DDX50: variants seen among roughly 807,000 people sequenced by gnomAD.
The protein encoded by DDX50 is ATP-dependent RNA helicase DDX50.
A neutral mutation model predicts 94.8 loss-of-function variants in DDX50; 56 were observed. The ratio of observed to expected loss-of-function variants is 0.59; its 90% CI spans 0.48 to 0.74. The LOEUF is 0.74. Among genes scored for constraint, DDX50 ranks in the 30% least tolerant of loss-of-function variants. The probability of loss-of-function intolerance (pLI) is 0.00; values close to 1 mark genes in which losing one functional copy is unlikely to be tolerated. For missense variants in DDX50, 713 were observed against 881.2 expected (o/e 0.81, Z 2.42); for synonymous variants, 264 against 295.4 (o/e 0.89, Z 1.09).
chr10:68,937,215 C>G lies in DDX50; in HGVS notation c.1755+120C>G, dbSNP rs1318033719. 4.6e-6 allele frequency: 5 copies of G among 1,097,862 alleles called. No individual in the cohort carries two copies. The East Asian group carries it at 1.4e-4, about 30-fold the overall frequency. 68.0% of individuals were successfully genotyped at this position (1,097,862 alleles called of 1,614,324 possible). On this transcript the variant is annotated intron_variant, in intron 12 of 14. Coordinates refer to ENST00000373585, the MANE Select transcript of DDX50 (RefSeq NM_024045.2). The stretch of plus-strand genomic sequence containing the variant: ...AAAAACTGTTTTGCTCTATGAGAAA[C>G]TGGTCTCCTTATTTTCCTCTACTCC...
chr10:68,943,373 C>A, intron 14 of DDX50, 116 bp downstream of exon 14: 2 of 821,550 alleles, frequency 2.4e-6, no homozygotes, highest in Non-Finnish European at 1.9e-6. Context: ...ATGAGGAATT[C>A]CTTAATATAA....
rs143037779 is a variant in DDX50 at position 68,946,502 on chromosome 10, C to G, written c.2086C>G (p.Arg696Gly). 2.5e-6 allele frequency: 4 copies of G among 1,614,014 alleles called. No individual in the cohort carries two copies. The highest frequency in any genetic ancestry group is 3.4e-6 in the Non-Finnish European group (4 of 1,180,036). Residue 696 changes from arginine to glycine, a missense_variant, in exon 15 of 15, where the codon CGA (arginine) becomes GGA (glycine). Physicochemically the swap from Arg to Gly is moderately radical, Grantham distance 125. Around this residue, in one of 2 missense-constraint regions of DDX50, gnomAD observed 428 missense variants for 602.3 expected, o/e 0.71. Transcript: ENST00000373585. ...AGGCCGGTCAGGCCGGTCAGGTGGT[C>G]GATCTGGCGGCCGGTCAGGTAGACA... is the stretch of plus-strand genomic sequence containing the variant. ...RSGRSGRSGG[R>G]SGGRSGRQSR...
rs1473622159 is a variant in DDX50, at chr10:68,946,445, A to G, written c.2029A>G (p.Arg677Gly). Residue 677 changes from arginine (R) to glycine (G), a missense_variant, in exon 15 of 15, where the codon AGA (arginine) becomes GGA (glycine). This residue lies in a region of DDX50 where 428 missense variants were observed against 602.3 expected (regional missense o/e 0.71). Transcript: ENST00000373585. Reference protein sequence around the residue: ...YYDGNTSSNSRQRSGWSSGRS... With the variant: ...YYDGNTSSNSGQRSGWSSGRS... ...TGATGGAAACACATCTTCTAATTCC[A>G]GACAGAGGAGTGGCTGGTCAAGTGG... The G allele has an allele frequency of 2.5e-6, 4 of 1,614,272 alleles. No homozygotes were observed. Among genetic ancestry groups the G allele is most frequent in the Middle Eastern group, 3.3e-4 (2 of 6,062 alleles).
Position 68,929,292 on chromosome 10 carries a change from CCTCT to C in DDX50, c.1240-4888_1240-4885del, listed in dbSNP as rs1167345123. ...TCCTTCCTTCCTTCCTTCCTTCCTT[CCTCT>C]CTCTCTCTCTCTCTCTCTTTCTTTC... On this transcript the variant is annotated intron_variant, in intron 8 of 14. Transcript: ENST00000373585. 1.5e-3 allele frequency among the ~76,000 whole-genome samples: 185 copies of C among 122,604 alleles called. 2 individuals are homozygous for C. Among genetic ancestry groups the C allele is most frequent in the Middle Eastern group, 4.3e-3 (1 of 232 alleles). The allele number at this position is 122,604 out of a possible 152,430, so 80.4% of individuals were successfully genotyped here.
At chr10:68,931,374 C>T (rs1349123637) in intron 8 of DDX50, among the ~76,000 whole-genome samples, 2 of 114,892 alleles carry the variant, frequency 1.7e-5, no homozygotes, top group African/African-American at 3.8e-5. Flanking sequence ...GGGTGGGTGA[C>T]GGATCATTAA....
chr10:68,914,215 T>C lies in DDX50; in HGVS notation c.1089+11T>C, dbSNP rs1164571159. The C allele has an allele frequency of 6.2e-7, 1 of 1,606,466 alleles. No homozygotes were observed. Among genetic ancestry groups the C allele is most frequent in the Admixed American group, 1.7e-5 (1 of 57,928 alleles). On this transcript the variant is annotated intron_variant, in intron 7 of 14. Transcript: ENST00000373585. The stretch of plus-strand genomic sequence containing the variant: ...GCAACTACTGTGGAAGTAAGTAGCT[T>C]TCTAGCATGATAGATTTTAGCTTTT...
intron 1 of DDX50, among the ~76,000 whole-genome samples, chr10:68,904,003 G>A (rs1184749999): frequency 1.3e-5 from 2 of 151,198 alleles, no homozygotes; most frequent in African/African-American, 2.4e-5. Context: ...AATTAGCTGG[G>A]CGTGGTGGCA....
In DDX50 at chr10:68,913,284, G is replaced by A; in HGVS notation, c.757+5G>A. On this transcript the variant is annotated splice_donor_5th_base_variant and intron_variant, in intron 5 of 14. Coordinates refer to ENST00000373585, the MANE Select transcript of DDX50 (RefSeq NM_024045.2). ...GAACATCATATCAAAGCCAAAGTGA[G>A]TAAATATGTTTGATAGACGTGCAAA... The A allele has an allele frequency of 6.2e-7, 1 of 1,609,816 alleles. No individual in the cohort carries two copies. Among genetic ancestry groups the A allele is most frequent in the Non-Finnish European group, 8.5e-7 (1 of 1,178,906 alleles).
intron 4 of DDX50, among the ~76,000 whole-genome samples, chr10:68,912,757 G>C (rs1841668397): frequency 6.6e-6 from 1 of 152,188 alleles, no homozygotes; most frequent in Non-Finnish European, 1.5e-5. Context: ...TGAGTTTCCT[G>C]TACTGTACCA....
At chr10:68,906,424 T>C in intron 1 of DDX50, 1 of 282,922 alleles carries the variant, frequency 3.5e-6, no homozygotes, top group Non-Finnish European at 6.6e-6. Flanking sequence ...TCTGGGGTTG[T>C]CTTTCTTTCC....
At chr10:68,907,133 C>G in intron 2 of DDX50, 126 bp downstream of exon 2, 1 of 952,276 alleles carries the variant, frequency 1.1e-6, no homozygotes, top group East Asian at 2.6e-5. Flanking sequence ...CTTAGTTGCA[C>G]TAGAGTCTGT....
intron 2 of DDX50, among the ~76,000 whole-genome samples, chr10:68,909,623 C>T (rs1473491005): frequency 1.3e-5 from 2 of 151,960 alleles, no homozygotes; most frequent in East Asian, 1.9e-4. Flanking sequence ...TGCTTGTAAT[C>T]CCAGCAGTTT....
intron 8 of DDX50, among the ~76,000 whole-genome samples, chr10:68,929,603 T>C (rs911009731): frequency 6.6e-6 from 1 of 151,674 alleles, no homozygotes; most frequent in Non-Finnish European, 1.5e-5. Context: ...TTTTTGTATT[T>C]TTAGTAGAGA....
intron 8 of DDX50, among the ~76,000 whole-genome samples, chr10:68,925,987 C>A (rs894264353): frequency 4.2e-5 from 6 of 143,508 alleles, no homozygotes; most frequent in Non-Finnish European, 1.5e-5. Flanking sequence ...GCACTCCATC[C>A]TGGGCAACAG....
intron 8 of DDX50, among the ~76,000 whole-genome samples, chr10:68,933,759 AC>A (rs71031811): frequency 0.11 from 17,447 of 151,906 alleles, 1,274 homozygotes; most frequent in Admixed American, 0.18. Flanking sequence ...ACATGGTGAA[AC>A]CCTGTTTCTA....
intron 7 of DDX50, among the ~76,000 whole-genome samples, chr10:68,918,127 G>A (rs1330005305): frequency 2.6e-5 from 4 of 151,988 alleles, no homozygotes; most frequent in South Asian, 4.2e-4. Context: ...GTTTCACCAC[G>A]TTGGCCAGGC....
intron 2 of DDX50, among the ~76,000 whole-genome samples, chr10:68,908,578 A>G (rs570402089): frequency 5.7e-4 from 85 of 148,080 alleles, no homozygotes; most frequent in African/African-American, 2.0e-3. Context: ...GCTTTAGCTG[A>G]GTGGATTATA....
At chr10:68,908,264 C>G (rs543683361) in intron 2 of DDX50, among the ~76,000 whole-genome samples, 1 of 151,862 alleles carries the variant, frequency 6.6e-6, no homozygotes, top group African/African-American at 2.4e-5. Flanking sequence ...CCAGCCTGAC[C>G]GACATGGTGA....
chr10:68,936,505 AAAAAAAAAAAATATATATATATAT>A (rs1175263850), intron 11 of DDX50, among the ~76,000 whole-genome samples: 1 of 47,540 alleles, frequency 2.1e-5, no homozygotes, highest in Non-Finnish European at 3.7e-5. Context: ...AAAAAAAAAA[AAAAAAAAAAAATATATATATATAT>A]ATATATATAT....
Sources: gnomAD v4.1 joint callset for allele counts (sites outside exome capture counted in the v4.1 genomes callset) on GRCh38, gnomAD v4.1.1 for gene constraint, gnomAD v4.1.1 regional missense constraint, MANE v1.5 for transcripts, NCBI Gene and HGNC (gene_info 2026-07-23, HGNC 2026-07-21) for gene names.